The following GREB1L variants were observed in gnomAD, a reference collection of about 807,000 sequenced individuals.
GREB1L encodes the protein GREB1-like protein.
In GREB1L, 17 loss-of-function variants were observed where a neutral mutation model predicts 200.8. The observed-to-expected ratio is 0.08, with a 90% CI of 0.06 to 0.13. The LOEUF is 0.13. GREB1L is among the 10% of genes least tolerant of loss of function. GREB1L has a pLI of 1.00. For synonymous variants in GREB1L, 789 were observed against 893.0 expected, an observed-to-expected ratio of 0.88 and a Z score of 2.08; for missense variants, 1,657 against 2,367.7, an observed-to-expected ratio of 0.70 and a Z score of 6.23.
At chr18:21,348,292 C>T (rs949566893) in intron 1 of GREB1L, among the ~76,000 whole-genome samples, 1 of 151,900 alleles carries the variant, frequency 6.6e-6, no homozygotes, top group East Asian at 1.9e-4. Context: ...CTCCTGGACC[C>T]TCTCTCATTC....
At chr18:21,340,091 C>A (rs2039245337) in intron 1 of GREB1L, among the ~76,000 whole-genome samples, 1 of 152,178 alleles carries the variant, frequency 6.6e-6, no homozygotes, top group South Asian at 2.1e-4. Flanking sequence ...TAATTGTGGT[C>A]CCACTACCAC....
intron 1 of GREB1L, among the ~76,000 whole-genome samples, chr18:21,250,737 C>T (rs1158274164): frequency 6.6e-6 from 1 of 152,210 alleles, no homozygotes; most frequent in East Asian, 1.9e-4. Flanking sequence ...CTTGTATCCA[C>T]ATCAGAGGGT....
chr18:21,362,353 T>C (rs1442191917), intron 1 of GREB1L, among the ~76,000 whole-genome samples: 1 of 152,072 alleles, frequency 6.6e-6, no homozygotes, highest in African/African-American at 2.4e-5. Flanking sequence ...TTTTGGAAAG[T>C]GGGGAGGAGA....
intron 16 of GREB1L, among the ~76,000 whole-genome samples, chr18:21,476,596 G>A (rs1405601595): frequency 6.6e-6 from 1 of 151,602 alleles, no homozygotes; most frequent in Non-Finnish European, 1.5e-5. Context: ...TTTTTAAACA[G>A]TCTAGCTGTG....
chr18:21,361,734 G>A (rs1189507053), intron 1 of GREB1L, among the ~76,000 whole-genome samples: 1 of 151,074 alleles, frequency 6.6e-6, no homozygotes, highest in Non-Finnish European at 1.5e-5. Context: ...AAAAAAAAAA[G>A]TTTTGTTTTT....
At chr18:21,444,480 T>C in intron 11 of GREB1L, 71 bp downstream of exon 11, 1 of 1,212,948 alleles carries the variant, frequency 8.2e-7, no homozygotes, top group Non-Finnish European at 1.2e-6. Context: ...TTTTTCTTTC[T>C]TTCTCACATT....
chr18:21,441,207 T>C (rs1162115244), intron 9 of GREB1L, among the ~76,000 whole-genome samples, 193 bp from the exon 10 acceptor site: 1 of 152,220 alleles, frequency 6.6e-6, no homozygotes, highest in Non-Finnish European at 1.5e-5. Context: ...AGCCACATGT[T>C]ATGATTATGG....
chr18:21,355,726 T>C (rs1461237999), intron 1 of GREB1L, among the ~76,000 whole-genome samples: 1 of 152,186 alleles, frequency 6.6e-6, no homozygotes, highest in Non-Finnish European at 1.5e-5. Flanking sequence ...AGATGAGAAC[T>C]GAAAAATGTT....
intron 1 of GREB1L, among the ~76,000 whole-genome samples, chr18:21,363,041 G>T (rs1333352126): frequency 6.6e-6 from 1 of 152,146 alleles, no homozygotes; most frequent in Non-Finnish European, 1.5e-5. Flanking sequence ...ACATATTGTT[G>T]ACATTGTCAC....
intron 1 of GREB1L, among the ~76,000 whole-genome samples, chr18:21,326,898 C>G (rs73432757): frequency 2.8e-4 from 43 of 152,234 alleles, no homozygotes; most frequent in Middle Eastern, 3.4e-3. Flanking sequence ...GCACATGAAG[C>G]CTTTTGGTAG....
At chr18:21,354,125 T>C (rs2039472532) in intron 1 of GREB1L, among the ~76,000 whole-genome samples, 1 of 152,156 alleles carries the variant, frequency 6.6e-6, no homozygotes. Context: ...ATTCTTAAAA[T>C]TGTTGATCAT....
intron 7 of GREB1L, among the ~76,000 whole-genome samples, chr18:21,413,398 C>A (rs1159295260): frequency 6.6e-6 from 1 of 152,212 alleles, no homozygotes; most frequent in Non-Finnish European, 1.5e-5. Flanking sequence ...TTACTTCCCC[C>A]TTCCCTCTCT....
intron 23 of GREB1L, 106 bp from the exon 24 acceptor site, chr18:21,505,306 C>T: frequency 9.7e-7 from 1 of 1,034,784 alleles, no homozygotes; most frequent in Non-Finnish European, 1.4e-6. Flanking sequence ...TCAGAAATGC[C>T]TTTGTCCACC....
chr18:21,347,077 C>G (rs557343642), intron 1 of GREB1L, among the ~76,000 whole-genome samples: 4 of 152,026 alleles, frequency 2.6e-5, no homozygotes, highest in African/African-American at 9.6e-5. Context: ...TGTCTACCAC[C>G]GATCAGCCTG....
At chr18:21,363,236 AAAG>A (rs1347111698) in intron 1 of GREB1L, among the ~76,000 whole-genome samples, 1 of 151,136 alleles carries the variant, frequency 6.6e-6, no homozygotes, top group Non-Finnish European at 1.5e-5. Flanking sequence ...TTGATGAATA[AAAG>A]AAGATACTTG....
chr18:21,393,050 G>A (rs138496444), intron 4 of GREB1L, among the ~76,000 whole-genome samples: 1,599 of 152,256 alleles, frequency 0.011, 31 homozygotes, highest in African/African-American at 0.036. Context: ...GGGATTACAG[G>A]CGTGAGCCAC....
At chr18:21,469,687 CCTCT>C (rs965731353) in intron 15 of GREB1L, among the ~76,000 whole-genome samples, 4 of 152,092 alleles carry the variant, frequency 2.6e-5, no homozygotes, top group African/African-American at 9.7e-5. Flanking sequence ...CACACATATA[CCTCT>C]CTATTTCTAT....
chr18:21,309,490 C>T (rs1490098386), intron 1 of GREB1L, among the ~76,000 whole-genome samples: 1 of 152,214 alleles, frequency 6.6e-6, no homozygotes, highest in Non-Finnish European at 1.5e-5. Flanking sequence ...CTCTGTACTA[C>T]AGCCAGAATG....
intron 1 of GREB1L, among the ~76,000 whole-genome samples, chr18:21,296,422 C>G (rs1398131697): frequency 6.6e-6 from 1 of 152,100 alleles, no homozygotes; most frequent in African/African-American, 2.4e-5. Flanking sequence ...ACACTGGGGA[C>G]TACTGGAGGG....
Sources: allele counts gnomAD v4.1 joint callset (sites outside exome capture counted in the v4.1 genomes callset), GRCh38; gene constraint gnomAD v4.1.1; transcripts MANE v1.5; gene names NCBI Gene and HGNC (gene_info 2026-07-23, HGNC 2026-07-21).